ENTHD1: variants seen among roughly 807,000 people sequenced by gnomAD.
The protein encoded by ENTHD1 is ENTH domain-containing protein 1.
Under a neutral mutation model 39.1 loss-of-function variants are expected in ENTHD1, and 23 were observed. That is an observed-to-expected ratio of 0.59 (90% CI 0.42 to 0.83). The LOEUF (loss-of-function observed/expected upper bound fraction) is 0.83, where lower values mean the gene tolerates loss of function less well. ENTHD1 is among the 40% of genes least tolerant of loss of function. The pLI is 0.00. For missense variants in ENTHD1, 624 were observed against 705.4 expected (o/e 0.88, Z 1.31); for synonymous variants, 230 against 258.2 (o/e 0.89, Z 1.05).
At chr22:39,780,956 G>A (rs936802319) in intron 5 of ENTHD1, among the ~76,000 whole-genome samples, 1 of 148,496 alleles carries the variant, frequency 6.7e-6, no homozygotes, top group Non-Finnish European at 1.5e-5. Context: ...CCGAGATTGC[G>A]CCACTGCACT....
At chr22:39,865,609 G>T (rs1315832047) in intron 2 of ENTHD1, among the ~76,000 whole-genome samples, 1 of 152,110 alleles carries the variant, frequency 6.6e-6, no homozygotes, top group Non-Finnish European at 1.5e-5. Context: ...AAATGGAGTT[G>T]GAAGTAGAAA....
At chr22:39,757,560 C>A (rs1037299208) in intron 6 of ENTHD1, among the ~76,000 whole-genome samples, 6 of 151,894 alleles carry the variant, frequency 4.0e-5, no homozygotes, top group African/African-American at 1.5e-4. Flanking sequence ...GCCTGTAATC[C>A]CAGCTACTCA....
At chr22:39,878,192 T>C (rs1026609871) in intron 2 of ENTHD1, among the ~76,000 whole-genome samples, 1 of 152,182 alleles carries the variant, frequency 6.6e-6, no homozygotes, top group East Asian at 1.9e-4. Context: ...TCTGGGAGAC[T>C]GGACACAGCT....
chr22:39,854,810 G>A (rs1405830059), intron 3 of ENTHD1, among the ~76,000 whole-genome samples: 2 of 152,092 alleles, frequency 1.3e-5, no homozygotes, highest in African/African-American at 4.8e-5. Context: ...AGCTGTTTCA[G>A]CTCTAGGTCC....
At chr22:39,823,029 C>T (rs1466340023) in intron 4 of ENTHD1, among the ~76,000 whole-genome samples, 3 of 152,218 alleles carry the variant, frequency 2.0e-5, no homozygotes, top group Non-Finnish European at 4.4e-5. Flanking sequence ...CTTTCATAGA[C>T]ATACACTCCC....
At chr22:39,844,209 TA>T (rs1160654136) in intron 3 of ENTHD1, among the ~76,000 whole-genome samples, 2 of 152,070 alleles carry the variant, frequency 1.3e-5, no homozygotes, top group African/African-American at 4.8e-5. Context: ...AAGAGAAGAA[TA>T]AGAAAGCAGA....
At chr22:39,831,963 G>A (rs915587608) in intron 4 of ENTHD1, among the ~76,000 whole-genome samples, 1 of 152,140 alleles carries the variant, frequency 6.6e-6, no homozygotes, top group Non-Finnish European at 1.5e-5. Flanking sequence ...TATGAAATAA[G>A]TACAAATGGA....
At chr22:39,793,860 G>A (rs2065525164) in intron 5 of ENTHD1, among the ~76,000 whole-genome samples, 1 of 152,152 alleles carries the variant, frequency 6.6e-6, no homozygotes, top group East Asian at 1.9e-4. Flanking sequence ...GGTTACTACA[G>A]CCTTGTAATA....
chr22:39,848,058 G>C (rs1158347134), intron 3 of ENTHD1, among the ~76,000 whole-genome samples: 1 of 152,138 alleles, frequency 6.6e-6, no homozygotes, highest in Non-Finnish European at 1.5e-5. Context: ...CCTTGCAACT[G>C]TGGGACTAAA....
At chr22:39,851,493 T>G (rs983233058) in intron 3 of ENTHD1, among the ~76,000 whole-genome samples, 1 of 152,236 alleles carries the variant, frequency 6.6e-6, no homozygotes, top group Non-Finnish European at 1.5e-5. Flanking sequence ...GTATGTTCTT[T>G]GCTGCTTACC....
At position 39,765,268 on chromosome 22, in the gene ENTHD1, A is replaced by G. The variant is rs755639094; in HGVS notation, c.1174T>C (p.Ser392Pro). 2 of 1,612,552 alleles carry G rather than the reference A, an allele frequency of 1.2e-6. No homozygotes were observed. The highest frequency in any genetic ancestry group is 1.7e-6 in the Non-Finnish European group (2 of 1,179,752). ...ATTTTATCATCCATCTGAATGCTGG[A>G]TTGTGCTGGTTTCTGGTAGGCCTTG... ...INKAYQKPAQ[S>P]SIQMDDKILK... Residue 392 changes from serine to proline, a missense_variant, in exon 6 of 7, where the codon TCC becomes CCC. Transcript: ENST00000325157.
At chr22:39,878,050 C>A (rs1447932076) in intron 2 of ENTHD1, among the ~76,000 whole-genome samples, 1 of 152,120 alleles carries the variant, frequency 6.6e-6, no homozygotes, top group East Asian at 1.9e-4. Context: ...AGGGCTCTAA[C>A]AGATAATGTG....
At chr22:39,779,005 A>C (rs2065386867) in intron 5 of ENTHD1, among the ~76,000 whole-genome samples, 1 of 152,220 alleles carries the variant, frequency 6.6e-6, no homozygotes, top group Non-Finnish European at 1.5e-5. Flanking sequence ...TATTTCTGAA[A>C]GATGTGCAAG....
At chr22:39,799,431 C>A (rs534062441) in intron 5 of ENTHD1, among the ~76,000 whole-genome samples, 8 of 152,224 alleles carry the variant, frequency 5.3e-5, no homozygotes, top group African/African-American at 1.9e-4. Flanking sequence ...CAGCTAAAAT[C>A]CAGGTTCTTG....
At chr22:39,786,353 C>T (rs986367656) in intron 5 of ENTHD1, among the ~76,000 whole-genome samples, 16 of 152,122 alleles carry the variant, frequency 1.1e-4, no homozygotes, top group Non-Finnish European at 2.2e-4. Flanking sequence ...ATATCTACCA[C>T]CTCATATACT....
At position 39,743,683 on chromosome 22, in the gene ENTHD1, A is replaced by C; in HGVS notation, c.1820T>G (p.Ile607Ser). 1 of 1,602,306 alleles carries C rather than the reference A, an allele frequency of 6.2e-7. No homozygotes were observed. Among genetic ancestry groups the C allele is most frequent in the South Asian group, 1.1e-5 (1 of 88,814 alleles). Residue 607 changes from isoleucine (I) to serine (S), a missense_variant, in exon 7 of 7, where the codon ATC (isoleucine) becomes AGC (serine). Coordinates refer to ENST00000325157, the MANE Select transcript of ENTHD1 (RefSeq NM_152512.4). ...CAAAAATAGATATTGTGATGATTAG[A>C]TCTGATCTGAGCTCCCCTCAGAAGA... is the stretch of plus-strand genomic sequence containing the variant. ...PQSSEGSSDQ[I>S] is the part of the protein sequence containing the mutation.
intron 5 of ENTHD1, among the ~76,000 whole-genome samples, chr22:39,768,420 G>T (rs1259421169): frequency 6.6e-6 from 1 of 151,984 alleles, no homozygotes; most frequent in Non-Finnish European, 1.5e-5. Flanking sequence ...CAGGGCTCTT[G>T]ACCATCACCA....
At chr22:39,765,746 A>T in intron 5 of ENTHD1, 137 bp from the exon 6 acceptor site, 3 of 893,622 alleles carry the variant, frequency 3.4e-6, no homozygotes, top group Non-Finnish European at 4.9e-6. Flanking sequence ...CTGCTTTCTT[A>T]CTATGCTTCT....
intron 5 of ENTHD1, among the ~76,000 whole-genome samples, chr22:39,796,436 T>A (rs902525246): frequency 5.9e-5 from 9 of 151,948 alleles, no homozygotes; most frequent in East Asian, 5.8e-4. Context: ...ATTTTTAAAT[T>A]TTTTTGTAGA....
Sources: allele counts gnomAD v4.1 joint callset (sites outside exome capture counted in the v4.1 genomes callset), GRCh38; gene constraint gnomAD v4.1.1; transcripts MANE v1.5; gene names NCBI Gene and HGNC (gene_info 2026-07-23, HGNC 2026-07-21).